Variants in ZNF398 observed in about 807,000 individuals in gnomAD.
The protein encoded by ZNF398 is zinc finger protein 398.
A neutral mutation model predicts 41.9 loss-of-function variants in ZNF398; 18 were observed. That is an observed-to-expected ratio of 0.43 (90% CI 0.30 to 0.64). ZNF398 has a LOEUF of 0.64. ZNF398 is among the 30% of genes least tolerant of loss of function. ZNF398 has a pLI of 0.14. For synonymous variants in ZNF398, 260 were observed against 308.8 expected (o/e 0.84, Z 1.66); for missense variants, 669 against 822.8 (o/e 0.81, Z 2.29).
In ZNF398 at chr7:149,158,393, A is replaced by G. The variant is rs531144089; in HGVS notation, c.420+4053A>G. The stretch of plus-strand genomic sequence containing the variant: ...AGAAAAAATGGAAAGATGATCAACA[A>G]CTTTTTCAGATTTTTCTGTGAAGTG... On this transcript the variant is annotated intron_variant, in intron 2 of 5. Transcript: ENST00000475153. Among the ~76,000 whole-genome samples, 62 of 152,290 alleles carry G rather than the reference A, an allele frequency of 4.1e-4. 1 individual carries two copies. Among genetic ancestry groups the G allele is most frequent in the Middle Eastern group, 3.4e-3 (1 of 294 alleles).
chr7:149,177,207 T>C (rs941685311), intron 5 of ZNF398, among the ~76,000 whole-genome samples: 2 of 152,142 alleles, frequency 1.3e-5, no homozygotes, highest in African/African-American at 4.8e-5. Context: ...TTGAAAAAAC[T>C]TATGCTAGGG....
intron 2 of ZNF398, among the ~76,000 whole-genome samples, chr7:149,136,258 A>G (rs903035220): frequency 3.3e-5 from 5 of 152,176 alleles, no homozygotes; most frequent in African/African-American, 1.2e-4. Flanking sequence ...GCCACCTCAC[A>G]CTTAGAGGGT....
intron 2 of ZNF398, among the ~76,000 whole-genome samples, chr7:149,133,880 T>C (rs759335214): frequency 4.7e-5 from 7 of 148,202 alleles, no homozygotes; most frequent in Non-Finnish European, 7.5e-5. Context: ...GCCTCCCGAG[T>C]AGCTGGGATT....
intron 1 of ZNF398, among the ~76,000 whole-genome samples, chr7:149,127,090 G>A (rs1006748510): frequency 7.2e-5 from 11 of 152,328 alleles, no homozygotes; most frequent in Non-Finnish European, 1.2e-4. Flanking sequence ...CCATGACACA[G>A]GGCGTGAGAA....
intron 2 of ZNF398, among the ~76,000 whole-genome samples, chr7:149,139,305 C>T (rs938574342): frequency 5.4e-4 from 82 of 152,120 alleles, no homozygotes; most frequent in African/African-American, 1.9e-3. Flanking sequence ...GTGATTCTCT[C>T]ATCTGGGCCT....
intron 2 of ZNF398, among the ~76,000 whole-genome samples, chr7:149,155,197 A>G (rs190794121): frequency 2.0e-4 from 31 of 152,234 alleles, no homozygotes; most frequent in Admixed American, 5.2e-4. Context: ...CGAGAAAGGC[A>G]GATCACAAGT....
chr7:149,163,408 TGTC>T (rs556167478), intron 2 of ZNF398, among the ~76,000 whole-genome samples: 83 of 151,032 alleles, frequency 5.5e-4, no homozygotes, highest in African/African-American at 1.9e-3. Context: ...GTTTTGCCCT[TGTC>T]GTGCAGGCTG....
chr7:149,182,042 A>T lies in ZNF398; in HGVS notation c.*2241A>T, dbSNP rs1058059. ...AGGAGGGACTCCTAAAGTAGGTGAG[A>T]TGTGGGACTAGGTAACACTTTAAAT... On this transcript the variant is annotated 3_prime_UTR_variant, in exon 6 of 6. Coordinates refer to ENST00000475153, the MANE Select transcript of ZNF398 (RefSeq NM_170686.3). The T allele has an allele frequency of 0.54, 81,784 of 152,074 alleles. 25,471 individuals are homozygous for T. The highest frequency in any genetic ancestry group is 0.9 in the East Asian group (4,673 of 5,180). 9.4% of individuals were successfully genotyped at this position (152,074 alleles called of 1,614,324 possible). A position where few individuals can be genotyped will look rare whatever the true frequency, so the allele number is the denominator to read the frequency against.
chr7:149,147,857 C>T lies in ZNF398; in HGVS notation c.24+91C>T, dbSNP rs1826994228. Reference sequence around the variant, plus strand: ...CGGGCAGGGAGCTGCCAGGCATAGGCGCCGTTCTCGGGTCCCGCCGGCCAC... The same window carrying T: ...CGGGCAGGGAGCTGCCAGGCATAGGTGCCGTTCTCGGGTCCCGCCGGCCAC... On this transcript the variant is annotated intron_variant, in intron 1 of 5. Coordinates refer to ENST00000475153, the MANE Select transcript of ZNF398 (RefSeq NM_170686.3). The surrounding 1 kb of genome is among the most constrained non-coding windows in gnomAD (Gnocchi z 5.6). 35 of 1,287,180 alleles carry T rather than the reference C, an allele frequency of 2.7e-5. No homozygotes were observed. Among genetic ancestry groups the T allele is most frequent in the Non-Finnish European group, 3.5e-5 (35 of 1,007,160 alleles). The allele number at this position is 1,287,180 out of a possible 1,614,324, so 79.7% of individuals were successfully genotyped here. A position where few individuals can be genotyped will look rare whatever the true frequency, so the allele number is the denominator to read the frequency against.
In ZNF398 at chr7:149,130,427, G is replaced by A. The variant is rs570231357; in HGVS notation, c.-490+1483G>A. Reference sequence around the variant, plus strand: ...AAGTTTTGGAATTCTGAATAGAGCTGCTATAAACATTTGCATACAGGTTTT... The same window carrying A: ...AAGTTTTGGAATTCTGAATAGAGCTACTATAAACATTTGCATACAGGTTTT... On this transcript the variant is annotated intron_variant, in intron 2 of 6. Transcript: ENST00000426851. Among the ~76,000 whole-genome samples the A allele has an allele frequency of 5.9e-5, 9 of 152,270 alleles. No individual in the cohort carries two copies. The South Asian group carries it at 1.4e-3, about 24-fold the overall frequency.
At chr7:149,175,820 G>T (rs948257704) in intron 4 of ZNF398, among the ~76,000 whole-genome samples, 1 of 152,124 alleles carries the variant, frequency 6.6e-6, no homozygotes, top group Non-Finnish European at 1.5e-5. Context: ...GAGTAGCTGG[G>T]ATTACAGGCG....
In ZNF398 at chr7:149,175,841, C is replaced by T. The variant is rs141389464; in HGVS notation, c.662-627C>T. Among the ~76,000 whole-genome samples the T allele has an allele frequency of 1.6e-3, 237 of 152,188 alleles. 1 individual carries two copies. Among genetic ancestry groups the T allele is most frequent in the African/African-American group, 4.9e-3 (202 of 41,532 alleles). ...CTGGGATTACAGGCGCCTGCCACCA[C>T]GCCTGACTAATTTTTTTTATTTTTA... On this transcript the variant is annotated intron_variant, in intron 4 of 5. Transcript: ENST00000475153.
At chr7:149,130,147 G>A (rs1186992436) in intron 2 of ZNF398, among the ~76,000 whole-genome samples, 1 of 152,256 alleles carries the variant, frequency 6.6e-6, no homozygotes, top group East Asian at 1.9e-4. Context: ...CCAGGCTGGA[G>A]TGCAGTGGCA....
intron 1 of ZNF398, chr7:149,151,286 A>G (rs1318319871): frequency 8.1e-7 from 1 of 1,241,180 alleles, no homozygotes; most frequent in Non-Finnish European, 1.0e-6. Flanking sequence ...TGAGCAGGTG[A>G]GGCAGAAAGA....
intron 2 of ZNF398, among the ~76,000 whole-genome samples, chr7:149,131,704 A>T (rs78649029): frequency 0.053 from 8,080 of 152,220 alleles, 264 homozygotes; most frequent in Non-Finnish European, 0.068. Flanking sequence ...AAACAAAACA[A>T]ACAAACAAAA....
intron 2 of ZNF398, among the ~76,000 whole-genome samples, chr7:149,161,013 A>T (rs1185059007): frequency 6.6e-6 from 1 of 152,000 alleles, no homozygotes; most frequent in African/African-American, 2.4e-5. Context: ...GCTTTCCCCA[A>T]CGCTGCCCTC....
intron 2 of ZNF398, among the ~76,000 whole-genome samples, chr7:149,130,525 T>C (rs1826574890): frequency 1.3e-5 from 2 of 152,192 alleles, no homozygotes; most frequent in South Asian, 4.1e-4. Context: ...GGTAAATATG[T>C]ATATTTAATT....
intron 4 of ZNF398, among the ~76,000 whole-genome samples, chr7:149,175,770 T>C (rs1455228925): frequency 1.3e-5 from 2 of 152,130 alleles, no homozygotes; most frequent in African/African-American, 4.8e-5. Context: ...CTGCAGCCGC[T>C]GCCTCCCAGG....
At chr7:149,151,557 A>G (rs188689954) in intron 1 of ZNF398, among the ~76,000 whole-genome samples, 1 of 152,206 alleles carries the variant, frequency 6.6e-6, no homozygotes, top group Admixed American at 6.5e-5. Flanking sequence ...CTTTGTTTCA[A>G]AGTAAATTAT....
Sources: allele counts gnomAD v4.1 joint callset (sites outside exome capture counted in the v4.1 genomes callset), GRCh38; gene constraint gnomAD v4.1.1; non-coding constraint Gnocchi (gnomAD v3.1); transcripts MANE v1.5; gene names NCBI Gene and HGNC (gene_info 2026-07-23, HGNC 2026-07-21).